DCDC1: variants seen among roughly 807,000 people sequenced by gnomAD.
DCDC1 encodes doublecortin domain containing 1.
A neutral mutation model predicts 178.3 loss-of-function variants in DCDC1; 200 were observed. That is an observed-to-expected ratio of 1.12 (90% CI 1.00 to 1.26). The LOEUF (loss-of-function observed/expected upper bound fraction) is 1.26. DCDC1 is among the 50% of genes most tolerant of loss of function. DCDC1 has a pLI of 0.00. For missense variants in DCDC1, 1,983 were observed against 1,749.2 expected (o/e 1.13, Z -2.38); for synonymous variants, 690 against 604.8 (o/e 1.14, Z -2.07).
At chr11:31,322,457 A>G (rs1174384530) in intron 3 of DCDC1, among the ~76,000 whole-genome samples, 1 of 152,186 alleles carries the variant, frequency 6.6e-6, no homozygotes, top group Admixed American at 6.5e-5. Context: ...TAAATCTTCA[A>G]TGGTCTAAAG....
intron 8 of DCDC1, among the ~76,000 whole-genome samples, chr11:31,250,448 C>CATATATATATATA (rs1943942879): frequency 9.4e-6 from 1 of 106,752 alleles, no homozygotes; most frequent in African/African-American, 3.9e-5. Context: ...ATATATATCC[C>CATATATATATATA]TGCCTGGGGC....
At chr11:31,369,447 G>A (rs894806642) in intron 1 of DCDC1, among the ~76,000 whole-genome samples, 1 of 152,120 alleles carries the variant, frequency 6.6e-6, no homozygotes, top group Non-Finnish European at 1.5e-5. Flanking sequence ...AGTGGCATCA[G>A]GTCTCCTCAT....
intron 36 of DCDC1, chr11:30,882,833 C>T (rs1183167472): frequency 1.3e-5 from 2 of 152,080 alleles, no homozygotes; most frequent in Non-Finnish European, 2.9e-5. Flanking sequence ...AGATTTACAG[C>T]AGGAGTACAT....
intron 36 of DCDC1, among the ~76,000 whole-genome samples, chr11:30,884,032 C>CTTTTTTTTTTTTTTTTT (rs1565023304): frequency 1.5e-4 from 7 of 47,896 alleles, no homozygotes; most frequent in Non-Finnish European, 1.2e-4. Context: ...CATTCTTTCT[C>CTTTTTTTTTTTTTTTTT]ATTTTTTTTT....
intron 9 of DCDC1, among the ~76,000 whole-genome samples, chr11:31,229,968 CT>C (rs1328156285): frequency 6.6e-6 from 1 of 152,108 alleles, no homozygotes; most frequent in Non-Finnish European, 1.5e-5. Context: ...GATGCCCACT[CT>C]CACCACTACT....
intron 20 of DCDC1, among the ~76,000 whole-genome samples, chr11:31,025,222 T>C (rs1370954955): frequency 1.2e-4 from 18 of 151,788 alleles, no homozygotes; most frequent in Admixed American, 1.2e-3. Context: ...CTTCCAAATA[T>C]AAGGTTACTT....
chr11:31,347,745 G>A (rs780435138), intron 1 of DCDC1, among the ~76,000 whole-genome samples: 14 of 152,108 alleles, frequency 9.2e-5, no homozygotes, highest in Non-Finnish European at 1.9e-4. Context: ...CAAGATAGAA[G>A]GTGCCAGGGG....
rs1416567990 is a variant in DCDC1, at chr11:31,065,104, A to G, written c.2348T>C (p.Val783Ala). The change falls in exon 19 of 39, where the codon GTA (valine) becomes GCA (alanine). Residue 783 changes from valine (V) to alanine (A), a missense_variant. Coordinates refer to ENST00000684477, the MANE Select transcript of DCDC1 (RefSeq NM_001387274.1). ...GTGATACTCTGTCTGGGTCACATCT[A>G]CTTGTGCATTTAGCTCCTCTAGGTA... The part of the protein sequence containing the change: ...LTYLEELNAQ[V>A]DVTQTEYHIH... 2 of 765,496 alleles carry G rather than the reference A, an allele frequency of 2.6e-6. No individual in the cohort carries two copies. Among genetic ancestry groups the G allele is most frequent in the Admixed American group, 1.7e-5 (1 of 58,784 alleles). 47.4% of individuals were successfully genotyped at this position (765,496 alleles called of 1,614,324 possible).
intron 7 of DCDC1, among the ~76,000 whole-genome samples, chr11:31,284,487 C>T (rs540955831): frequency 1.3e-5 from 2 of 151,912 alleles, no homozygotes; most frequent in Middle Eastern, 3.2e-3. Context: ...TGCATGGACA[C>T]TAATCTAATA....
At chr11:31,364,679 G>T (rs1381997349) in intron 1 of DCDC1, among the ~76,000 whole-genome samples, 1 of 152,074 alleles carries the variant, frequency 6.6e-6, no homozygotes, top group Non-Finnish European at 1.5e-5. Flanking sequence ...CTCAACGAAA[G>T]TTCATCGATG....
chr11:30,982,652 A>G (rs1950448735), intron 20 of DCDC1, among the ~76,000 whole-genome samples: 1 of 148,794 alleles, frequency 6.7e-6, no homozygotes, highest in Non-Finnish European at 1.5e-5. Flanking sequence ...ATTAATCTGC[A>G]ATTTTTCACA....
intron 1 of DCDC1, among the ~76,000 whole-genome samples, chr11:31,365,043 T>C (rs1401507709): frequency 6.6e-6 from 1 of 152,192 alleles, no homozygotes; most frequent in East Asian, 1.9e-4. Context: ...ACCTGGTATT[T>C]CCTCTGGCAT....
intron 10 of DCDC1, among the ~76,000 whole-genome samples, chr11:31,127,979 C>T (rs73459280): frequency 0.09 from 13,756 of 152,070 alleles, 1,697 homozygotes; most frequent in African/African-American, 0.28. Flanking sequence ...CCTCCTAGGA[C>T]TTTAAATAAT....
intron 1 of DCDC1, among the ~76,000 whole-genome samples, chr11:31,344,077 A>G (rs2133239965): frequency 6.6e-6 from 1 of 152,324 alleles, no homozygotes; most frequent in Non-Finnish European, 1.5e-5. Flanking sequence ...TAGAAGTAGA[A>G]CATATTCACA....
intron 9 of DCDC1, among the ~76,000 whole-genome samples, chr11:31,186,669 C>G (rs1435113879): frequency 6.6e-6 from 1 of 152,238 alleles, no homozygotes; most frequent in Non-Finnish European, 1.5e-5. Flanking sequence ...TGGGTTGAAT[C>G]TGGCTTCACC....
chr11:31,152,065 T>C (rs1237923816), intron 9 of DCDC1, among the ~76,000 whole-genome samples: 1 of 152,222 alleles, frequency 6.6e-6, no homozygotes, highest in Non-Finnish European at 1.5e-5. Flanking sequence ...CTCATAAATA[T>C]AATTATTATT....
intron 13 of DCDC1, among the ~76,000 whole-genome samples, chr11:31,104,548 G>A (rs946940836): frequency 6.6e-6 from 1 of 151,984 alleles, no homozygotes; most frequent in African/African-American, 2.4e-5. Context: ...GACAACTAAA[G>A]AAAATAACTA....
intron 20 of DCDC1, among the ~76,000 whole-genome samples, chr11:30,953,846 T>C (rs1948583430): frequency 6.6e-6 from 1 of 151,890 alleles, no homozygotes; most frequent in African/African-American, 2.4e-5. Flanking sequence ...AAAATATGTC[T>C]TTGAAATAAA....
At chr11:31,198,434 T>A (rs1970936441) in intron 9 of DCDC1, among the ~76,000 whole-genome samples, 1 of 151,968 alleles carries the variant, frequency 6.6e-6, no homozygotes, top group African/African-American at 2.4e-5. Context: ...TATTATGAAT[T>A]CCAAAAGTAC....
Sources: allele counts gnomAD v4.1 joint callset (sites outside exome capture counted in the v4.1 genomes callset), GRCh38; gene constraint gnomAD v4.1.1; transcripts MANE v1.5; gene names NCBI Gene and HGNC (gene_info 2026-07-23, HGNC 2026-07-21).